Variants in ZNF354C observed in about 807,000 individuals in gnomAD.
ZNF354C encodes KRAB-zinc finger protein synten.
Under a neutral mutation model 12.4 loss-of-function variants are expected in ZNF354C, and 7 were observed. That is an observed-to-expected ratio of 0.56 (90% CI 0.32 to 1.06). The LOEUF (loss-of-function observed/expected upper bound fraction) is 1.06. Among genes scored for constraint, ZNF354C ranks in the 50% least tolerant of loss-of-function variants. ZNF354C has a pLI of 0.04. For synonymous variants in ZNF354C, 202 were observed against 224.5 expected (o/e 0.90, Z 0.90); for missense variants, 609 against 658.0 (o/e 0.93, Z 0.81).
At chr5:179,066,390 A>G (rs1333317836) in intron 2 of ZNF354C, among the ~76,000 whole-genome samples, 1 of 152,246 alleles carries the variant, frequency 6.6e-6, no homozygotes. Context: ...GCAAATAGTT[A>G]TCTTCTAAAT....
intron 3 of ZNF354C, 106 bp from the exon 4 acceptor site, chr5:179,076,965 C>T: frequency 1.0e-6 from 1 of 973,358 alleles, no homozygotes; most frequent in Non-Finnish European, 1.6e-6. Flanking sequence ...GTCTGCCTCT[C>T]AGGGCTTGCC....
chr5:179,080,218 A>G lies in ZNF354C; in HGVS notation c.*121A>G, dbSNP rs1762208114. On this transcript the variant is annotated 3_prime_UTR_variant, in exon 5 of 5. Transcript: ENST00000315475. ...TGAAGGAAATATGTTAGTTGCCACT[A>G]AGTCATGATAAAATTGATCAGTGAG... 2 of 671,400 alleles carry G rather than the reference A, an allele frequency of 3.0e-6. No homozygotes were observed. The highest frequency in any genetic ancestry group is 3.5e-5 in the Admixed American group (1 of 28,576). 41.6% of individuals were successfully genotyped at this position (671,400 alleles called of 1,614,324 possible). A position where few individuals can be genotyped will look rare whatever the true frequency, so the allele number is the denominator to read the frequency against.
chr5:179,079,780 G>A lies in ZNF354C; in HGVS notation c.1348G>A (p.Gly450Ser). The A allele has an allele frequency of 6.2e-7, 1 of 1,612,960 alleles. No individual in the cohort carries two copies. The highest frequency in any genetic ancestry group is 8.5e-7 in the Non-Finnish European group (1 of 1,179,714). ...YTCEECGKAF[G>S]CKSNLYRHQR... ...ATGTGAGGAATGTGGGAAAGCCTTT[G>A]GTTGCAAATCTAACCTTTATAGGCA... Residue 450 changes from glycine (G) to serine (S), a missense_variant, in exon 5 of 5, where the codon GGT becomes AGT. Gly to Ser is a moderately conservative substitution (Grantham distance 56, BLOSUM62 0). Transcript: ENST00000315475. The surrounding 1 kb of genome is among the most constrained non-coding windows in gnomAD (Gnocchi z 4.2).
intron 2 of ZNF354C, among the ~76,000 whole-genome samples, chr5:179,065,098 A>T (rs1201302170): frequency 6.6e-6 from 1 of 152,098 alleles, no homozygotes; most frequent in Non-Finnish European, 1.5e-5. Flanking sequence ...ACAATTTTAG[A>T]CGAGAGAATA....
At chr5:179,064,245 TG>T (rs1258717069) in intron 2 of ZNF354C, among the ~76,000 whole-genome samples, 1 of 152,130 alleles carries the variant, frequency 6.6e-6, no homozygotes, top group Non-Finnish European at 1.5e-5. Flanking sequence ...TTGTTGTTGT[TG>T]TTGCTTTTTT....
In ZNF354C at chr5:179,080,202, T is replaced by G; in HGVS notation, c.*105T>G. 1.2e-6 allele frequency: 1 copy of G among 804,642 alleles called. No individual in the cohort carries two copies. The highest frequency in any genetic ancestry group is 2.2e-5 in the South Asian group (1 of 44,482). 49.8% of individuals were successfully genotyped at this position (804,642 alleles called of 1,614,324 possible). ...TCTTTTTTACTTCTCCTGAAGGAAATATGTTAGTTGCCACTAAGTCATGAT... is the reference window on the plus strand; with the variant it reads ...TCTTTTTTACTTCTCCTGAAGGAAAGATGTTAGTTGCCACTAAGTCATGAT... On this transcript the variant is annotated 3_prime_UTR_variant, in exon 5 of 5. Coordinates refer to ENST00000315475, the MANE Select transcript of ZNF354C (RefSeq NM_014594.3).
In ZNF354C at chr5:179,062,002, T is replaced by G; in HGVS notation, c.-54-13T>G. 1 of 1,591,680 alleles carries G rather than the reference T, an allele frequency of 6.3e-7. No homozygotes were observed. Among genetic ancestry groups the G allele is most frequent in the African/African-American group, 1.3e-5 (1 of 74,566 alleles). On this transcript the variant is annotated splice_polypyrimidine_tract_variant and intron_variant, in intron 1 of 4. Transcript: ENST00000315475. ...GACGCCAGGGTTCCTCTTGACACCTTTTTCCTCTGCAGACCCACCGTGTCC... is the reference window on the plus strand; with the variant it reads ...GACGCCAGGGTTCCTCTTGACACCTGTTTCCTCTGCAGACCCACCGTGTCC...
intron 2 of ZNF354C, among the ~76,000 whole-genome samples, chr5:179,064,404 C>T (rs1761933422): frequency 6.7e-6 from 1 of 150,212 alleles, no homozygotes; most frequent in Admixed American, 6.7e-5. Context: ...GCAACTGTGC[C>T]CGGCCAATAT....
intron 2 of ZNF354C, among the ~76,000 whole-genome samples, chr5:179,072,403 G>GA (rs1762063594): frequency 6.6e-6 from 1 of 151,916 alleles, no homozygotes; most frequent in Admixed American, 6.6e-5. Context: ...AAAACAGGGA[G>GA]AAAAAAGGCC....
intron 2 of ZNF354C, among the ~76,000 whole-genome samples, chr5:179,075,086 C>T (rs1008329588): frequency 2.0e-5 from 3 of 151,320 alleles, no homozygotes; most frequent in East Asian, 2.0e-4. Context: ...GGTGAAACCC[C>T]GTCTCTACAA....
intron 2 of ZNF354C, among the ~76,000 whole-genome samples, chr5:179,069,734 CG>C (rs1182045789): frequency 4.6e-5 from 7 of 151,378 alleles, no homozygotes. Context: ...GGCGCGGTGG[CG>C]GGCGCCTGTA....
At position 179,079,997 on chromosome 5, in the gene ZNF354C, A is replaced by AACTC; in HGVS notation, c.1566_1569dup (p.Tyr524ThrfsTer3). 6.2e-7 allele frequency: 1 copy of AACTC among 1,614,010 alleles called. No individual in the cohort carries two copies. The highest frequency in any genetic ancestry group is 8.5e-7 in the Non-Finnish European group (1 of 1,179,960). ...CACAAAAAAGTTCACACGAAAGAGA[A>AACTC]ACTCTATAAGTGGAAGGAATATGGG... is the stretch of plus-strand genomic sequence containing the variant. On this transcript the variant is annotated frameshift_variant, in exon 5 of 5. Coordinates refer to ENST00000315475, the MANE Select transcript of ZNF354C (RefSeq NM_014594.3). LOFTEE classifies it low-confidence loss of function (END_TRUNC). The surrounding 1 kb of genome is among the most constrained non-coding windows in gnomAD (Gnocchi z 4.2).
chr5:179,067,501 G>C (rs1761973547), intron 2 of ZNF354C, among the ~76,000 whole-genome samples: 1 of 152,174 alleles, frequency 6.6e-6, no homozygotes, highest in Non-Finnish European at 1.5e-5. Flanking sequence ...ATTATACAAA[G>C]AGCACGTAAG....
chr5:179,071,367 AT>A (rs35793705), intron 2 of ZNF354C, among the ~76,000 whole-genome samples: 20,057 of 131,508 alleles, frequency 0.15, 1,268 homozygotes, highest in East Asian at 0.4. Context: ...TGCCAGGCTC[AT>A]TTTTTTTTTT....
Position 179,076,588 on chromosome 5 carries a change from A to G in ZNF354C, c.154+17A>G, listed in dbSNP as rs779784397. 6.2e-7 allele frequency: 1 copy of G among 1,613,422 alleles called. No homozygotes were observed. The highest frequency in any genetic ancestry group is 8.5e-7 in the Non-Finnish European group (1 of 1,179,644). ...TCTCACTGGGTAAGAATTTTTGCCT[A>G]TGACGAAGAATCTGTTATAGGAACG... On this transcript the variant is annotated intron_variant, in intron 3 of 4. Transcript: ENST00000315475.
intron 1 of ZNF354C, 71 bp from the exon 2 acceptor site, chr5:179,061,944 C>T (rs995490772): frequency 2.2e-5 from 22 of 1,008,138 alleles, no homozygotes; most frequent in African/African-American, 7.9e-5. Context: ...ACATTATGGG[C>T]GGTTGTAACT....
intron 2 of ZNF354C, among the ~76,000 whole-genome samples, chr5:179,063,571 C>T (rs752221952): frequency 1.1e-4 from 17 of 152,098 alleles, no homozygotes; most frequent in Admixed American, 6.5e-4. Flanking sequence ...AAAAGAACCC[C>T]AAAAAGTAGT....
chr5:179,068,892 C>T (rs561552123), intron 2 of ZNF354C, among the ~76,000 whole-genome samples: 1 of 152,350 alleles, frequency 6.6e-6, no homozygotes, highest in South Asian at 2.1e-4. Context: ...TGATGGCTGC[C>T]TTCTCGCTGC....
chr5:179,082,787 G>T lies in ZNF354C; in HGVS notation c.*2690G>T. On this transcript the variant is annotated 3_prime_UTR_variant, in exon 5 of 5. Coordinates refer to ENST00000315475, the MANE Select transcript of ZNF354C (RefSeq NM_014594.3). Reference sequence around the variant, plus strand: ...GGCGAGGATCACTGGCATCATCCAGGGTGATGTTCTTCAAGCGACTGACCA... The same window carrying T: ...GGCGAGGATCACTGGCATCATCCAGTGTGATGTTCTTCAAGCGACTGACCA... The T allele has an allele frequency of 1.5e-6, 2 of 1,358,626 alleles. No individual in the cohort carries two copies. Among genetic ancestry groups the T allele is most frequent in the Non-Finnish European group, 2.1e-6 (2 of 948,624 alleles). 84.2% of individuals were successfully genotyped at this position (1,358,626 alleles called of 1,614,324 possible). A position where few individuals can be genotyped will look rare whatever the true frequency, so the allele number is the denominator to read the frequency against.
Sources: gnomAD v4.1 joint callset for allele counts (sites outside exome capture counted in the v4.1 genomes callset) on GRCh38, gnomAD v4.1.1 for gene constraint, Gnocchi (gnomAD v3.1) non-coding constraint, MANE v1.5 for transcripts, NCBI Gene and HGNC (gene_info 2026-07-23, HGNC 2026-07-21) for gene names.